RIPOR3: variants seen among roughly 807,000 people sequenced by gnomAD.
The protein encoded by RIPOR3 is family with sequence similarity 65 member C.
In RIPOR3, 95 loss-of-function variants were observed where a neutral mutation model predicts 114.3. The ratio of observed to expected loss-of-function variants is 0.83; its 90% confidence interval spans 0.70 to 0.99. RIPOR3 has a LOEUF of 0.99. Among genes scored for constraint, RIPOR3 ranks in the 50% least tolerant of loss-of-function variants. The probability of loss-of-function intolerance (pLI) is 0.00; values close to 1 mark genes in which losing one functional copy is unlikely to be tolerated. For synonymous variants in RIPOR3, 575 were observed against 543.8 expected (o/e 1.06, Z -0.80); for missense variants, 1,252 against 1,266.9 (o/e 0.99, Z 0.18).
intron 1 of RIPOR3, among the ~76,000 whole-genome samples, chr20:50,642,769 C>T (rs1172897194): frequency 3.9e-5 from 6 of 152,102 alleles, no homozygotes; most frequent in Non-Finnish European, 2.9e-5. Flanking sequence ...CCATCAGAGG[C>T]CAGGTGCTGT....
At chr20:50,590,908 A>AT (rs1448701936) in intron 19 of RIPOR3, among the ~76,000 whole-genome samples, 2 of 148,220 alleles carry the variant, frequency 1.3e-5, no homozygotes, top group African/African-American at 5.0e-5. Context: ...TCTGCTTCCC[A>AT]TGGAGGCCTT....
chr20:50,609,072 G>T (rs80039159), intron 8 of RIPOR3, 117 bp from the exon 9 acceptor site: 250 of 1,401,206 alleles, frequency 1.8e-4, no homozygotes, highest in Non-Finnish European at 2.1e-4. Context: ...GGGTGAGGAT[G>T]GGGGGGAGGT....
chr20:50,622,838 C>G (rs539386000), intron 2 of RIPOR3, among the ~76,000 whole-genome samples: 1 of 152,306 alleles, frequency 6.6e-6, no homozygotes, highest in Non-Finnish European at 1.5e-5. Context: ...CGTAATACAT[C>G]AGAGGATGGT....
chr20:50,678,329 T>C (rs1336567692), intron 1 of RIPOR3, among the ~76,000 whole-genome samples: 1 of 152,224 alleles, frequency 6.6e-6, no homozygotes, highest in Non-Finnish European at 1.5e-5. Context: ...AAACTCACCC[T>C]GTGGCTCCTC....
At chr20:50,648,975 A>G (rs894081414) in intron 1 of RIPOR3, among the ~76,000 whole-genome samples, 1 of 152,150 alleles carries the variant, frequency 6.6e-6, no homozygotes, top group East Asian at 1.9e-4. Context: ...CCCTTGCTCT[A>G]AAGGATCTAG....
chr20:50,589,492 C>T (rs1213695519), intron 20 of RIPOR3, among the ~76,000 whole-genome samples, 194 bp downstream of exon 20: 1 of 152,094 alleles, frequency 6.6e-6, no homozygotes, highest in Admixed American at 6.5e-5. Context: ...GATGGAGTTT[C>T]GCCATGTTGG....
At chr20:50,664,427 G>GCTCTGAC (rs1334248752) in intron 1 of RIPOR3, among the ~76,000 whole-genome samples, 5 of 152,290 alleles carry the variant, frequency 3.3e-5, no homozygotes, top group African/African-American at 1.2e-4. Context: ...TGTTGGCTTT[G>GCTCTGAC]CTCTGACCTC....
At chr20:50,641,534 C>T (rs1384061823) in intron 1 of RIPOR3, among the ~76,000 whole-genome samples, 1 of 152,176 alleles carries the variant, frequency 6.6e-6, no homozygotes, top group African/African-American at 2.4e-5. Context: ...AGGTGTGAGC[C>T]CCACACCTGG....
intron 2 of RIPOR3, among the ~76,000 whole-genome samples, chr20:50,628,998 G>T (rs770783699): frequency 6.6e-5 from 10 of 152,168 alleles, no homozygotes; most frequent in Non-Finnish European, 1.5e-4. Flanking sequence ...GGAGCTCAGG[G>T]GTCCTCCCCC....
intron 2 of RIPOR3, among the ~76,000 whole-genome samples, chr20:50,626,083 C>T (rs563096726): frequency 6.6e-6 from 1 of 152,242 alleles, no homozygotes; most frequent in South Asian, 2.1e-4. Flanking sequence ...AGTGCGGCTG[C>T]GCTTCGGCCT....
At chr20:50,612,033 G>C (rs1477249951) in intron 4 of RIPOR3, among the ~76,000 whole-genome samples, 1 of 151,446 alleles carries the variant, frequency 6.6e-6, no homozygotes, top group Non-Finnish European at 1.5e-5. Flanking sequence ...CTTGAGGCAG[G>C]AGAATCACTT....
intron 1 of RIPOR3, among the ~76,000 whole-genome samples, chr20:50,684,480 C>T (rs142741505): frequency 2.6e-5 from 4 of 152,294 alleles, no homozygotes; most frequent in Non-Finnish European, 4.4e-5. Flanking sequence ...CCTTGTGGGC[C>T]GTGATGAGGA....
intron 2 of RIPOR3, among the ~76,000 whole-genome samples, chr20:50,626,182 A>AG (rs1378680316): frequency 6.6e-6 from 1 of 152,242 alleles, no homozygotes; most frequent in Non-Finnish European, 1.5e-5. Flanking sequence ...GACCCCAGGG[A>AG]GCTCGACGGA....
chr20:50,612,176 T>C (rs2084002709), intron 4 of RIPOR3, among the ~76,000 whole-genome samples: 2 of 151,812 alleles, frequency 1.3e-5, no homozygotes, highest in Admixed American at 6.6e-5. Context: ...ATACACACCT[T>C]TGCCTACCTT....
At chr20:50,637,492 T>C (rs144643743) in intron 1 of RIPOR3, among the ~76,000 whole-genome samples, 49 of 152,302 alleles carry the variant, frequency 3.2e-4, no homozygotes, top group African/African-American at 1.2e-3. Flanking sequence ...TCTGATTGTC[T>C]TATTCATCAG....
At chr20:50,676,600 C>T (rs962703891) in intron 1 of RIPOR3, among the ~76,000 whole-genome samples, 22 of 151,950 alleles carry the variant, frequency 1.4e-4, no homozygotes, top group Admixed American at 7.9e-4. Flanking sequence ...TGCAGTGAGC[C>T]GTGATCATGC....
chr20:50,625,717 A>G, intron 2 of RIPOR3, among the ~76,000 whole-genome samples: 1 of 152,110 alleles, frequency 6.6e-6, no homozygotes, highest in Non-Finnish European at 1.5e-5. Flanking sequence ...GGGGCAGGAA[A>G]GGGGGAAGGG....
intron 1 of RIPOR3, among the ~76,000 whole-genome samples, chr20:50,661,377 A>T (rs1324900991): frequency 6.6e-6 from 1 of 152,148 alleles, no homozygotes; most frequent in African/African-American, 2.4e-5. Flanking sequence ...ACCCAGCCTA[A>T]CATGTTTTTA....
chr20:50,587,876 T>C lies in RIPOR3; in HGVS notation c.2678A>G (p.Asp893Gly), dbSNP rs1365737789. ...LKHLKGIESI[D>G]QTASLCQSDL... ...AGACTGGCACAGGCTGGCAGTCTGG[T>C]CGATGCTTTCAATGCCCTGTTCGAG... Residue 893 changes from aspartate to glycine, a missense_variant, in exon 21 of 22, where the codon GAC (aspartate) becomes GGC (glycine). Asp to Gly is a moderately conservative substitution (Grantham distance 94). Coordinates refer to ENST00000327979, the MANE Select transcript of RIPOR3 (RefSeq NM_001290268.2). 1.2e-6 allele frequency: 2 copies of C among 1,614,090 alleles called. No individual in the cohort carries two copies. Among genetic ancestry groups the C allele is most frequent in the Admixed American group, 3.3e-5 (2 of 60,024 alleles).
Sources: allele counts gnomAD v4.1 joint callset (sites outside exome capture counted in the v4.1 genomes callset), GRCh38; gene constraint gnomAD v4.1.1; transcripts MANE v1.5; gene names NCBI Gene and HGNC (gene_info 2026-07-23, HGNC 2026-07-21).